The following DNAH12 variants were observed in gnomAD, a reference collection of about 807,000 sequenced individuals.
DNAH12 encodes the protein axonemal beta dynein heavy chain 12.
A neutral mutation model predicts 371.5 loss-of-function variants in DNAH12; 285 were observed. The observed-to-expected ratio is 0.77, with a 90% CI of 0.70 to 0.85. DNAH12 has a LOEUF of 0.85. Among genes scored for constraint, DNAH12 ranks in the 40% least tolerant of loss-of-function variants. The probability of loss-of-function intolerance (pLI) is 0.00; values close to 1 mark genes in which losing one functional copy is unlikely to be tolerated. For missense variants in DNAH12, 3,611 were observed against 3,689.4 expected (o/e 0.98, Z 0.55); for synonymous variants, 1,200 against 1,213.0 (o/e 0.99, Z 0.22).
chr3:57,458,295 A>G (rs1455477256), intron 20 of DNAH12, 75 bp from the exon 21 acceptor site: 1 of 1,383,878 alleles, frequency 7.2e-7, no homozygotes, highest in Admixed American at 3.4e-5. Context: ...AATCTATACT[A>G]TATGTTAAAA....
chr3:57,530,986 T>C (rs1575741422), intron 2 of DNAH12: 1 of 153,302 alleles, frequency 6.5e-6, no homozygotes, highest in Non-Finnish European at 1.5e-5. Flanking sequence ...ATCTGTACTA[T>C]GTCTTGAAAA....
At position 57,339,124 on chromosome 3, in the gene DNAH12, A is replaced by G. The variant is rs573164841; in HGVS notation, c.9675-4184T>C. 3.6e-3 allele frequency among the ~76,000 whole-genome samples: 551 copies of G among 152,334 alleles called. 5 individuals carry two copies. The highest frequency in any genetic ancestry group is 0.013 in the African/African-American group (526 of 41,584). On this transcript the variant is annotated intron_variant, in intron 60 of 73. Transcript: ENST00000495027. ...ACATGTGCTGTGTCAACTCAGGGTT[A>G]AATGGATTAAGGGCGGTGCAAGATG...
At chr3:57,496,422 T>C (rs929821661) in intron 11 of DNAH12, among the ~76,000 whole-genome samples, 2 of 152,228 alleles carry the variant, frequency 1.3e-5, no homozygotes, top group South Asian at 2.1e-4. Flanking sequence ...AGAAAATCCA[T>C]ATGATCAATT....
intron 52 of DNAH12, among the ~76,000 whole-genome samples, chr3:57,377,459 CAAA>C (rs1209874180): frequency 6.6e-6 from 1 of 152,096 alleles, no homozygotes; most frequent in South Asian, 2.1e-4. Flanking sequence ...ACTAGGCTAA[CAAA>C]ATGTCAAAAT....
Position 57,471,559 on chromosome 3 carries a change from CTT to C in DNAH12, c.1822_1823del (p.Lys608GlufsTer45), listed in dbSNP as rs752615571. On this transcript the variant is annotated frameshift_variant, in exon 15 of 74. Coordinates refer to ENST00000495027, the MANE Select transcript of DNAH12 (RefSeq NM_001366028.2). LOFTEE classifies it high-confidence loss of function. ...CTATTTCCAAAATAAGTTTCTCTCT[CTT>C]GGCCATTAGTTCATTTTCTTTTTTA... is the stretch of plus-strand genomic sequence containing the variant. ...KHKKENELMA[K>X]REKLILEIEK... is the part of the protein sequence containing the mutation. 8 of 1,548,140 alleles carry C rather than the reference CTT, an allele frequency of 5.2e-6. No homozygotes were observed. In the South Asian group the frequency reaches 6.0e-5, roughly 12 times the overall value.
At chr3:57,312,430 A>AGAG (rs1407166495) in intron 66 of DNAH12, among the ~76,000 whole-genome samples, 1 of 152,258 alleles carries the variant, frequency 6.6e-6, no homozygotes, top group East Asian at 1.9e-4. Flanking sequence ...AGTGGAGACC[A>AGAG]ACAGCTCATT....
In DNAH12 at chr3:57,542,166, G is replaced by C. The variant is rs1405185864; in HGVS notation, c.170+535C>G. Among the ~76,000 whole-genome samples, 27 of 127,902 alleles carry C rather than the reference G, an allele frequency of 2.1e-4. 2 individuals carry two copies. Among genetic ancestry groups the C allele is most frequent in the Non-Finnish European group, 3.3e-4 (21 of 62,934 alleles). The allele number at this position is 127,902 out of a possible 152,430, so 83.9% of individuals were successfully genotyped here. A position where few individuals can be genotyped will look rare whatever the true frequency, so the allele number is the denominator to read the frequency against. On this transcript the variant is annotated intron_variant, in intron 2 of 73. Coordinates refer to ENST00000495027, the MANE Select transcript of DNAH12 (RefSeq NM_001366028.2). The stretch of plus-strand genomic sequence containing the variant: ...AATTTCCACTAAACTGGGGGGGGGG[G>C]GGGCGGTGAGTAGGATGTTGAACTC...
In DNAH12 at chr3:57,519,701, G is replaced by A. The variant is rs2068337847; in HGVS notation, c.279+3882C>T. 29 of 1,610,440 alleles carry A rather than the reference G, an allele frequency of 1.8e-5. No individual in the cohort carries two copies. The South Asian group carries it at 3.2e-4, about 18-fold the overall frequency. ...CCGATTCTTTGGGCCACCCAGTCCT[G>A]CTGGCAGAGAGGGCAGCGATTGTTC... is the stretch of plus-strand genomic sequence containing the variant. On this transcript the variant is annotated intron_variant, in intron 4 of 73. Transcript: ENST00000495027.
At chr3:57,382,610 G>C in intron 49 of DNAH12, among the ~76,000 whole-genome samples, 1 of 151,142 alleles carries the variant, frequency 6.6e-6, no homozygotes, top group African/African-American at 2.4e-5. Flanking sequence ...TGTTGGGAGG[G>C]GTCAGTCATA....
intron 60 of DNAH12, among the ~76,000 whole-genome samples, chr3:57,338,355 C>T (rs539111524): frequency 4.6e-5 from 7 of 152,296 alleles, no homozygotes; most frequent in East Asian, 3.9e-4. Context: ...GATCTCCGCC[C>T]GGCTGCCCCG....
chr3:57,294,421 C>T (rs1335841394), intron 73 of DNAH12, among the ~76,000 whole-genome samples: 5 of 152,116 alleles, frequency 3.3e-5, no homozygotes, highest in African/African-American at 1.2e-4. Flanking sequence ...GTGATCTGCC[C>T]GCCTCAGCCT....
intron 4 of DNAH12, among the ~76,000 whole-genome samples, chr3:57,514,033 T>C (rs1172696558): frequency 1.3e-5 from 2 of 152,118 alleles, no homozygotes; most frequent in African/African-American, 4.8e-5. Context: ...TGTGCAGCAA[T>C]AGTGAAAAAT....
At chr3:57,523,491 G>T in intron 4 of DNAH12, 92 bp downstream of exon 4, 1 of 1,042,188 alleles carries the variant, frequency 9.6e-7, no homozygotes, top group Non-Finnish European at 1.4e-6. Context: ...TTATTTTCTA[G>T]AATGGGACTT....
intron 17 of DNAH12, among the ~76,000 whole-genome samples, chr3:57,464,087 C>G (rs2066131687): frequency 6.6e-6 from 1 of 152,062 alleles, no homozygotes; most frequent in Non-Finnish European, 1.5e-5. Context: ...CTGATAAGAG[C>G]AAGGTCAAAG....
intron 2 of DNAH12, among the ~76,000 whole-genome samples, chr3:57,528,478 C>T (rs1404035634): frequency 6.6e-6 from 1 of 150,738 alleles, no homozygotes; most frequent in Admixed American, 6.6e-5. Flanking sequence ...ATAATCCCAG[C>T]CCTTTGGGAG....
chr3:57,495,335 G>T (rs2153387272), intron 11 of DNAH12, among the ~76,000 whole-genome samples: 1 of 147,968 alleles, frequency 6.8e-6, no homozygotes, highest in Middle Eastern at 3.4e-3. Context: ...GAGGTGGGCA[G>T]ATCACCTGAG....
intron 43 of DNAH12, among the ~76,000 whole-genome samples, chr3:57,395,891 A>C (rs2063726634): frequency 6.6e-6 from 1 of 151,970 alleles, no homozygotes; most frequent in Non-Finnish European, 1.5e-5. Flanking sequence ...TGGGAGGTTG[A>C]GGCTGCAGTG....
chr3:57,498,569 A>C (rs1457354076), intron 11 of DNAH12: 14 of 716,812 alleles, frequency 2.0e-5, no homozygotes. Flanking sequence ...ATATGTCCGC[A>C]CAAAGACTTG....
At chr3:57,421,452 G>C in intron 36 of DNAH12, 66 bp downstream of exon 36, 1 of 1,482,576 alleles carries the variant, frequency 6.7e-7, no homozygotes, top group Middle Eastern at 1.7e-4. Context: ...TGAAAACCCA[G>C]GAGCTTTGTC....
Sources: allele counts gnomAD v4.1 joint callset (sites outside exome capture counted in the v4.1 genomes callset), GRCh38; gene constraint gnomAD v4.1.1; transcripts MANE v1.5; gene names NCBI Gene and HGNC (gene_info 2026-07-23, HGNC 2026-07-21).